SLC19A1: variants seen among roughly 807,000 people sequenced by gnomAD.
SLC19A1 encodes the protein solute carrier family 19 member 1, also known as reduced folate transporter.
SLC19A1 carries 37 observed loss-of-function variants against 35.3 expected under a neutral mutation model. The observed-to-expected ratio is 1.05, with a 90% CI of 0.81 to 1.38. SLC19A1 has a LOEUF of 1.38. Ranked by LOEUF, SLC19A1 falls within the 40% of genes most tolerant of loss-of-function variation. The pLI is 0.00. For missense variants in SLC19A1, 831 were observed against 826.9 expected, an observed-to-expected ratio of 1.00 and a Z score of -0.06; for synonymous variants, 460 against 398.5, an observed-to-expected ratio of 1.15 and a Z score of -1.84.
At chr21:45,505,786 TGCCCCCC>T in intron 3 of SLC19A1, 2 of 939,190 alleles carry the variant, frequency 2.1e-6, no homozygotes, top group Non-Finnish European at 3.2e-6. Flanking sequence ...CTTCCGCCCC[TGCCCCCC>T]GCCCTCCCCG....
At position 45,504,129 on chromosome 21, in the gene SLC19A1, C is replaced by T. The variant is rs73907560; in HGVS notation, c.498-5517G>A. ...CGCTGGGTGGCTGCTCCCAATTTCT[C>T]GCCCCATCCGGCCCAAGCCCCCTTC... On this transcript the variant is annotated intron_variant, in intron 3 of 4. Transcript: ENST00000417954. The T allele has an allele frequency of 4.3e-4, 653 of 1,524,792 alleles. 2 individuals carry two copies. The African/African-American group carries it at 5.7e-3, about 13-fold the overall frequency. 94.5% of individuals were successfully genotyped at this position (1,524,792 alleles called of 1,614,324 possible).
At chr21:45,511,096 C>CAT (rs1555876761), downstream of SLC19A1, 21 of 1,451,612 alleles carry the variant, frequency 1.4e-5, 1 homozygote, top group African/African-American at 5.9e-5. Context: ...CACATACACA[C>CAT]GGTTTCTCTT....
At chr21:45,507,603 CT>C (rs745740935), downstream of SLC19A1, 15 of 1,612,600 alleles carry the variant, frequency 9.3e-6, no homozygotes, top group East Asian at 3.3e-4. Context: ...GGTAAGGAGC[CT>C]TTTTTCTGTT....
intron 3 of SLC19A1, among the ~76,000 whole-genome samples, chr21:45,503,457 T>TA (rs1308734757): frequency 2.0e-5 from 3 of 152,048 alleles, no homozygotes; most frequent in South Asian, 4.2e-4. Flanking sequence ...TACGCAGCCA[T>TA]AAAAAATGAT....
At chr21:45,556,291 C>G (rs539127386) in intron 1 of SLC19A1, among the ~76,000 whole-genome samples, 1 of 152,176 alleles carries the variant, frequency 6.6e-6, no homozygotes, top group South Asian at 2.1e-4. Flanking sequence ...ACAGAAAGAC[C>G]GGGCGGACCC....
downstream of SLC19A1, chr21:45,507,651 G>A: frequency 6.7e-7 from 1 of 1,502,694 alleles, no homozygotes; most frequent in South Asian, 1.1e-5. Flanking sequence ...GGGGGTATGT[G>A]CTGTCCCCTG....
chr21:45,546,209 C>T (rs1169828088), upstream of SLC19A1, among the ~76,000 whole-genome samples: 1 of 152,270 alleles, frequency 6.6e-6, no homozygotes, highest in African/African-American at 2.4e-5. Flanking sequence ...TCTGTGAAGC[C>T]AGAAGCCAGA....
Position 45,514,825 on chromosome 21 carries a change from G to A in SLC19A1, c.*833C>T, listed in dbSNP as rs760863017. Reference sequence around the variant, plus strand: ...CCTTAGACCCTGAGGCCGCTGGGACGTACTTCCCCAGCGCCCACCACAAAG... The same window carrying A: ...CCTTAGACCCTGAGGCCGCTGGGACATACTTCCCCAGCGCCCACCACAAAG... On this transcript the variant is annotated 3_prime_UTR_variant, in exon 6 of 6. Coordinates refer to ENST00000311124, the MANE Select transcript of SLC19A1 (RefSeq NM_194255.4). 31 of 568,146 alleles carry A rather than the reference G, an allele frequency of 5.5e-5. No individual in the cohort carries two copies. Among genetic ancestry groups the A allele is most frequent in the East Asian group, 9.8e-5 (3 of 30,492 alleles). The allele number at this position is 568,146 out of a possible 1,614,324, so 35.2% of individuals were successfully genotyped here.
intron 1 of SLC19A1, among the ~76,000 whole-genome samples, chr21:45,556,122 G>C (rs1274462274): frequency 2.0e-5 from 3 of 152,208 alleles, no homozygotes; most frequent in Non-Finnish European, 4.4e-5. Flanking sequence ...GCCACCAGCA[G>C]GGTCCCCTCC....
chr21:45,515,892 G>A lies in SLC19A1; in HGVS notation c.1542C>T (p.Ala514=), dbSNP rs1007629563. The A allele has an allele frequency of 6.4e-7, 1 of 1,561,050 alleles. No individual in the cohort carries two copies. The highest frequency in any genetic ancestry group is 1.4e-5 in the African/African-American group (1 of 73,628). Residue 514 remains alanine (A), a synonymous_variant, in exon 6 of 6, where the codon GCC becomes GCT. Transcript: ENST00000311124. ...GGTCGCTCTGTCTCTGCTCCAGGGA[G>A]GCTGGCCCCACAGCCCCCAGGCTGT... The part of the protein sequence containing the change: ...PEDSLGAVGP[A]SLEQRQSDPY...
At chr21:45,555,181 TGCAGGGGGCGGCGGGGGCGGC>T (rs1185651762) in intron 1 of SLC19A1, among the ~76,000 whole-genome samples, 12 of 25,696 alleles carry the variant, frequency 4.7e-4, no homozygotes, top group African/African-American at 2.9e-3. Flanking sequence ...CAGGGGGCGG[TGCAGGGGGCGGCGGGGGCGGC>T]GCAGGGGGCG....
chr21:45,506,199 A>C, intron 3 of SLC19A1: 1 of 575,558 alleles, frequency 1.7e-6, no homozygotes, highest in Admixed American at 2.8e-5. Flanking sequence ...ATGGCGTGTG[A>C]GGGGCTCCTG....
At chr21:45,549,455 C>T (rs772291812) in intron 1 of SLC19A1, among the ~76,000 whole-genome samples, 4 of 150,916 alleles carry the variant, frequency 2.7e-5, no homozygotes, top group South Asian at 2.1e-4. Context: ...AATTGCACCT[C>T]GATAAAATTG....
chr21:45,529,002 C>T (rs2077750357), intron 4 of SLC19A1, among the ~76,000 whole-genome samples: 1 of 152,242 alleles, frequency 6.6e-6, no homozygotes, highest in South Asian at 2.1e-4. Context: ...AGCAATGGGA[C>T]AGCACAATGG....
intron 1 of SLC19A1, among the ~76,000 whole-genome samples, chr21:45,555,752 AAG>A (rs2078554756): frequency 6.6e-6 from 1 of 152,054 alleles, no homozygotes; most frequent in African/African-American, 2.4e-5. Context: ...CGCTGGCAGA[AAG>A]CGACCCACGC....
chr21:45,504,729 T>G (rs1225840886), intron 3 of SLC19A1, among the ~76,000 whole-genome samples: 6 of 151,990 alleles, frequency 3.9e-5, no homozygotes, highest in Non-Finnish European at 7.4e-5. Context: ...CACATGGGTG[T>G]GGGTGCACTG....
chr21:45,557,921 C>T (rs2078579725), intron 1 of SLC19A1, among the ~76,000 whole-genome samples: 1 of 152,248 alleles, frequency 6.6e-6, no homozygotes, highest in African/African-American at 2.4e-5. Flanking sequence ...GTGTGATGCT[C>T]ACCTTTGCCT....
At chr21:45,545,545 C>G (rs764103286), upstream of SLC19A1, among the ~76,000 whole-genome samples, 2 of 152,022 alleles carry the variant, frequency 1.3e-5, no homozygotes, top group African/African-American at 2.4e-5. Flanking sequence ...TTTATGATAC[C>G]CAGTCTCTGT....
chr21:45,551,527 T>A (rs2078466362), intron 1 of SLC19A1, among the ~76,000 whole-genome samples: 1 of 152,208 alleles, frequency 6.6e-6, no homozygotes, highest in African/African-American at 2.4e-5. Context: ...TTTGCTTGAT[T>A]TCCTCTTGGA....
Sources: allele counts gnomAD v4.1 joint callset (sites outside exome capture counted in the v4.1 genomes callset), GRCh38; gene constraint gnomAD v4.1.1; transcripts MANE v1.5; gene names NCBI Gene and HGNC (gene_info 2026-07-23, HGNC 2026-07-21).